The following SNTG2 variants were observed in gnomAD, a reference collection of about 807,000 sequenced individuals.
SNTG2 encodes gamma-2-syntrophin.
In SNTG2, 74 loss-of-function variants were observed where a neutral mutation model predicts 70.9. That is an observed-to-expected ratio of 1.04 (90% CI 0.86 to 1.27). The LOEUF (loss-of-function observed/expected upper bound fraction) is 1.27, where lower values mean the gene tolerates loss of function less well. SNTG2 is among the 50% of genes most tolerant of loss of function. SNTG2 has a pLI of 0.00. For missense variants in SNTG2, 717 were observed against 690.7 expected (o/e 1.04, Z -0.43); for synonymous variants, 278 against 273.8 (o/e 1.02, Z -0.15).
chr2:1,172,633 C>A (rs1671200263), intron 7 of SNTG2, among the ~76,000 whole-genome samples: 1 of 152,156 alleles, frequency 6.6e-6, no homozygotes, highest in African/African-American at 2.4e-5. Flanking sequence ...TTTATGAGCA[C>A]CTGTTTTACC....
At chr2:1,002,692 A>C in intron 1 of SNTG2, among the ~76,000 whole-genome samples, 1 of 98,372 alleles carries the variant, frequency 1.0e-5, no homozygotes, top group Middle Eastern at 5.6e-3. Context: ...ATATTTCTCA[A>C]AAAAAAAAAA....
chr2:1,358,335 A>G (rs1328678337), intron 16 of SNTG2, among the ~76,000 whole-genome samples: 3 of 150,922 alleles, frequency 2.0e-5, no homozygotes, highest in Non-Finnish European at 4.4e-5. Context: ...GAGTTTTGCT[A>G]TTGTTTTTAT....
chr2:1,203,662 A>C (rs868056424), intron 8 of SNTG2, among the ~76,000 whole-genome samples: 68 of 80,558 alleles, frequency 8.4e-4, no homozygotes, highest in Admixed American at 1.3e-3. Context: ...TCAAAAACAA[A>C]CAAAAAAAAA....
intron 1 of SNTG2, among the ~76,000 whole-genome samples, chr2:1,034,801 TTAGA>T: frequency 6.6e-6 from 1 of 152,214 alleles, no homozygotes; most frequent in Admixed American, 6.5e-5. Flanking sequence ...ACTGATAGTA[TTAGA>T]TCATTGAGGC....
At chr2:986,710 C>T (rs1045322629) in intron 1 of SNTG2, among the ~76,000 whole-genome samples, 1 of 151,312 alleles carries the variant, frequency 6.6e-6, no homozygotes. Flanking sequence ...TTTTTTTCTA[C>T]CTTAAATAGA....
chr2:1,154,804 A>G (rs1455914686), intron 6 of SNTG2, among the ~76,000 whole-genome samples: 1 of 151,972 alleles, frequency 6.6e-6, no homozygotes, highest in Non-Finnish European at 1.5e-5. Context: ...CAACACATAC[A>G]TCCCACACAT....
chr2:1,095,010 A>G (rs544870925), intron 2 of SNTG2, among the ~76,000 whole-genome samples: 35 of 150,710 alleles, frequency 2.3e-4, no homozygotes, highest in Non-Finnish European at 3.1e-4. Flanking sequence ...GCCTGCAGGC[A>G]AAGGCCTTAT....
intron 8 of SNTG2, among the ~76,000 whole-genome samples, chr2:1,180,762 T>G (rs1489881317): frequency 3.4e-5 from 5 of 148,056 alleles, no homozygotes; most frequent in Non-Finnish European, 7.5e-5. Flanking sequence ...TAAAGACACA[T>G]GCACACGTAT....
intron 1 of SNTG2, among the ~76,000 whole-genome samples, chr2:1,071,316 C>T (rs1028623489): frequency 6.6e-6 from 1 of 150,406 alleles, no homozygotes; most frequent in African/African-American, 2.5e-5. Context: ...GAATACTATG[C>T]AGCCATAAAA....
intron 8 of SNTG2, among the ~76,000 whole-genome samples, chr2:1,203,601 C>T (rs1309943826): frequency 6.6e-6 from 1 of 150,696 alleles, no homozygotes; most frequent in Non-Finnish European, 1.5e-5. Context: ...TTGCAGTGAG[C>T]CGAGATCACA....
At chr2:1,038,024 T>C (rs1285894508) in intron 1 of SNTG2, among the ~76,000 whole-genome samples, 1 of 152,188 alleles carries the variant, frequency 6.6e-6, no homozygotes, top group Non-Finnish European at 1.5e-5. Context: ...CAGACTGTTT[T>C]CCAAAACAAC....
At chr2:1,007,851 G>A (rs964458626) in intron 1 of SNTG2, among the ~76,000 whole-genome samples, 8 of 152,148 alleles carry the variant, frequency 5.3e-5, no homozygotes, top group African/African-American at 1.9e-4. Context: ...TCGGCTCACT[G>A]CAACCTCCAC....
At position 1,071,028 on chromosome 2, in the gene SNTG2, C is replaced by T. The variant is rs1027092536; in HGVS notation, c.73-12490C>T. ...CGTTGGCAATACTGGGGGGTGGCCA[C>T]ACTCGACGCAGGCAGTGGGACTGGT... On this transcript the variant is annotated intron_variant, in intron 1 of 16. Transcript: ENST00000308624. Among the ~76,000 whole-genome samples the T allele has an allele frequency of 2.0e-5, 3 of 152,294 alleles. No homozygotes were observed. In the East Asian group the frequency reaches 5.8e-4, roughly 29 times the overall value.
intron 9 of SNTG2, among the ~76,000 whole-genome samples, chr2:1,221,356 T>TCTCTGTCTCTCTCTGTCTCTGTCTCTAG (rs1674780758): frequency 6.6e-6 from 1 of 152,030 alleles, no homozygotes; most frequent in Non-Finnish European, 1.5e-5. Context: ...TCTGCCTCTG[T>TCTCTGTCTCTCTCTGTCTCTGTCTCTAG]CTCTGCCTCT....
intron 1 of SNTG2, among the ~76,000 whole-genome samples, chr2:1,076,235 C>A (rs1663905733): frequency 6.6e-6 from 1 of 152,218 alleles, no homozygotes; most frequent in South Asian, 2.1e-4. Flanking sequence ...CCAAGCACTT[C>A]TTACAGCTCC....
intron 1 of SNTG2, among the ~76,000 whole-genome samples, chr2:959,084 C>T (rs945860492): frequency 9.9e-5 from 15 of 151,928 alleles, no homozygotes; most frequent in Admixed American, 2.6e-4. Flanking sequence ...ATGTATAACA[C>T]TTATATAAGG....
chr2:1,004,282 C>T (rs1481753805), intron 1 of SNTG2, among the ~76,000 whole-genome samples: 1 of 152,148 alleles, frequency 6.6e-6, no homozygotes, highest in East Asian at 1.9e-4. Flanking sequence ...ATGATGATGA[C>T]TTTTGATATG....
At chr2:1,262,925 G>A (rs1020214315) in intron 13 of SNTG2, 50 of 152,356 alleles carry the variant, frequency 3.3e-4, no homozygotes, top group African/African-American at 1.1e-3. Flanking sequence ...GTTTCCAGTC[G>A]TATCAACACA....
At chr2:1,179,027 C>T (rs1467169284) in intron 8 of SNTG2, among the ~76,000 whole-genome samples, 1 of 152,040 alleles carries the variant, frequency 6.6e-6, no homozygotes, top group Admixed American at 6.6e-5. Context: ...CTGGTTTAGT[C>T]TTGGGAGGGT....
Sources: gnomAD v4.1 joint callset for allele counts (sites outside exome capture counted in the v4.1 genomes callset) on GRCh38, gnomAD v4.1.1 for gene constraint, MANE v1.5 for transcripts, NCBI Gene and HGNC (gene_info 2026-07-23, HGNC 2026-07-21) for gene names.